The following MPDZ variants were observed in gnomAD, a reference collection of about 807,000 sequenced individuals.
MPDZ encodes the protein multiple PDZ domain protein.
Under a neutral mutation model 239.1 loss-of-function variants are expected in MPDZ, and 234 were observed. The ratio of observed to expected loss-of-function variants is 0.98; its 90% CI spans 0.88 to 1.09. The LOEUF (loss-of-function observed/expected upper bound fraction) is 1.09, where lower values mean the gene tolerates loss of function less well. MPDZ is among the 50% of genes least tolerant of loss of function. MPDZ has a pLI of 0.00. For synonymous variants in MPDZ, 1,048 were observed against 881.3 expected, an observed-to-expected ratio of 1.19 and a Z score of -3.35; for missense variants, 3,175 against 2,510.0, an observed-to-expected ratio of 1.26 and a Z score of -5.66.
intron 1 of MPDZ, among the ~76,000 whole-genome samples, chr9:13,252,952 T>C (rs1968497409): frequency 6.6e-6 from 1 of 152,212 alleles, no homozygotes; most frequent in Non-Finnish European, 1.5e-5. Context: ...TCTCTATTTA[T>C]AAATGAATGA....
chr9:13,195,546 T>A (rs1955529817), intron 13 of MPDZ, among the ~76,000 whole-genome samples: 1 of 152,152 alleles, frequency 6.6e-6, no homozygotes, highest in Non-Finnish European at 1.5e-5. Context: ...AGATTGATAA[T>A]TTATAACAAT....
chr9:13,271,627 G>C (rs1403188165), intron 1 of MPDZ, among the ~76,000 whole-genome samples: 1 of 152,118 alleles, frequency 6.6e-6, no homozygotes, highest in Non-Finnish European at 1.5e-5. Flanking sequence ...TCAATTAAAT[G>C]TTAATCTGTG....
intron 28 of MPDZ, among the ~76,000 whole-genome samples, chr9:13,138,596 T>C (rs374355380): frequency 6.6e-5 from 10 of 152,200 alleles, no homozygotes; most frequent in African/African-American, 2.2e-4. Context: ...AGTTGCTTGA[T>C]AGATATATGC....
chr9:13,238,450 T>C (rs1964622744), intron 3 of MPDZ, among the ~76,000 whole-genome samples: 2 of 152,304 alleles, frequency 1.3e-5, no homozygotes, highest in Middle Eastern at 3.4e-3. Context: ...CTATAAAATA[T>C]GCTGCAGTCG....
intron 1 of MPDZ, among the ~76,000 whole-genome samples, chr9:13,265,894 T>TG (rs1385890040): frequency 6.6e-6 from 1 of 151,926 alleles, no homozygotes; most frequent in Non-Finnish European, 1.5e-5. Flanking sequence ...AAGACCATAG[T>TG]ATTACAATCA....
intron 39 of MPDZ, among the ~76,000 whole-genome samples, chr9:13,115,712 G>A (rs963040059): frequency 5.3e-5 from 8 of 152,170 alleles, no homozygotes; most frequent in Non-Finnish European, 8.8e-5. Context: ...TTGGGAGGCC[G>A]AGGCGGGTGG....
At chr9:13,127,379 A>G (rs1945277230) in intron 32 of MPDZ, among the ~76,000 whole-genome samples, 1 of 152,212 alleles carries the variant, frequency 6.6e-6, no homozygotes, top group Admixed American at 6.5e-5. Flanking sequence ...GGGGAGCTAC[A>G]CCTACTTCGC....
intron 39 of MPDZ, among the ~76,000 whole-genome samples, chr9:13,116,617 T>C (rs1394438729): frequency 6.6e-6 from 1 of 152,210 alleles, no homozygotes; most frequent in Non-Finnish European, 1.5e-5. Context: ...TCAGTTTACA[T>C]AACTGTAAGG....
intron 23 of MPDZ, among the ~76,000 whole-genome samples, chr9:13,161,323 A>G (rs1227734027): frequency 6.6e-6 from 1 of 151,984 alleles, no homozygotes; most frequent in Non-Finnish European, 1.5e-5. Flanking sequence ...TAATCCCAGC[A>G]CTTTGGGAGG....
At chr9:13,269,559 A>G (rs913690132) in intron 1 of MPDZ, among the ~76,000 whole-genome samples, 1 of 152,238 alleles carries the variant, frequency 6.6e-6, no homozygotes, top group African/African-American at 2.4e-5. Flanking sequence ...TTTCTTATTC[A>G]GCTCCATACT....
chr9:13,128,866 A>C (rs955415245), intron 32 of MPDZ, among the ~76,000 whole-genome samples: 2 of 152,158 alleles, frequency 1.3e-5, no homozygotes, highest in African/African-American at 2.4e-5. Context: ...GAGAAAGACA[A>C]GCCTTGGGAT....
intron 38 of MPDZ, chr9:13,120,075 T>C (rs921778766): frequency 1.2e-5 from 2 of 172,474 alleles, no homozygotes; most frequent in East Asian, 1.7e-4. Flanking sequence ...CCATCATTAA[T>C]ATTACTGAAA....
chr9:13,155,962 T>C (rs1465581467), intron 24 of MPDZ, among the ~76,000 whole-genome samples: 1 of 152,180 alleles, frequency 6.6e-6, no homozygotes, highest in Non-Finnish European at 1.5e-5. Flanking sequence ...TATCTTAGGA[T>C]TGCATGAAGG....
At chr9:13,126,860 A>C in intron 32 of MPDZ, 88 bp from the exon 33 acceptor site, 1 of 1,061,190 alleles carries the variant, frequency 9.4e-7, no homozygotes, top group Non-Finnish European at 1.4e-6. Flanking sequence ...AAACAACTAA[A>C]ACTCTTCTGA....
Position 13,192,197 on chromosome 9 carries a change from A to G in MPDZ, c.1902T>C (p.Thr634=), listed in dbSNP as rs1471206726. ...ATTCTGATTGGGTGGTGGGTGGCAC[A>G]GTTCGACGACAGCACACCATTGTCA... ...IEVTMVCCRR[T]VPPTTQSELD... is the part of the protein sequence containing the mutation. Residue 634 remains threonine, a synonymous_variant, in exon 15 of 47, where the codon ACT becomes ACC. Transcript: ENST00000319217. The G allele has an allele frequency of 6.2e-7, 1 of 1,611,218 alleles. No homozygotes were observed. Among genetic ancestry groups the G allele is most frequent in the Non-Finnish European group, 8.5e-7 (1 of 1,178,638 alleles).
rs149467803 is a variant in MPDZ at position 13,147,740 on chromosome 9, C to G, written c.3631-82G>C. 1.6e-3 allele frequency: 1,473 copies of G among 941,200 alleles called. 18 individuals are homozygous for G. The African/African-American group carries it at 0.021, about 13-fold the overall frequency. The allele number at this position is 941,200 out of a possible 1,614,324, so 58.3% of individuals were successfully genotyped here. A position where few individuals can be genotyped will look rare whatever the true frequency, so the allele number is the denominator to read the frequency against. On this transcript the variant is annotated intron_variant, in intron 25 of 46. Transcript: ENST00000319217. Reference sequence around the variant, plus strand: ...GTGTGGATATGGAGTTTTAGGGATACTTGGTTAGACTCCTAGAAAATCTGT... The same window carrying G: ...GTGTGGATATGGAGTTTTAGGGATAGTTGGTTAGACTCCTAGAAAATCTGT...
chr9:13,190,872 T>C (rs112950201), intron 15 of MPDZ, among the ~76,000 whole-genome samples: 1 of 152,122 alleles, frequency 6.6e-6, no homozygotes, highest in Non-Finnish European at 1.5e-5. Flanking sequence ...TTGAGCAATA[T>C]TCATCAACTG....
chr9:13,258,155 A>C (rs1050636926), intron 1 of MPDZ, among the ~76,000 whole-genome samples: 25 of 152,240 alleles, frequency 1.6e-4, no homozygotes, highest in Non-Finnish European at 2.9e-5. Context: ...CTGAGTAATC[A>C]TTTTACATTT....
At chr9:13,108,905 A>G (rs1941938276) in intron 46 of MPDZ, 31 bp downstream of exon 46, 1 of 1,602,782 alleles carries the variant, frequency 6.2e-7, no homozygotes, top group Admixed American at 1.7e-5. Flanking sequence ...TGTTTAGGGG[A>G]AAAGAGGGTG....
Sources: allele counts gnomAD v4.1 joint callset (sites outside exome capture counted in the v4.1 genomes callset), GRCh38; gene constraint gnomAD v4.1.1; transcripts MANE v1.5; gene names NCBI Gene and HGNC (gene_info 2026-07-23, HGNC 2026-07-21).